The following MTAP variants were observed in gnomAD, a reference collection of about 807,000 sequenced individuals.
The protein encoded by MTAP is S-methyl-5'-thioadenosine phosphorylase.
A neutral mutation model predicts 33.6 loss-of-function variants in MTAP; 33 were observed. That is an observed-to-expected ratio of 0.98 (90% confidence interval 0.74 to 1.31). The LOEUF is 1.31. Among genes scored for constraint, MTAP ranks in the 40% most tolerant of loss-of-function variants. The probability of loss-of-function intolerance (pLI) is 0.00; values close to 1 mark genes in which losing one functional copy is unlikely to be tolerated. For missense variants in MTAP, 367 were observed against 360.0 expected (o/e 1.02, Z -0.16); for synonymous variants, 148 against 125.7 (o/e 1.18, Z -1.19).
chr9:21,898,543 T>C (rs1413314503), intron 1 of MTAP, among the ~76,000 whole-genome samples: 1 of 151,760 alleles, frequency 6.6e-6, no homozygotes, highest in Admixed American at 6.6e-5. Flanking sequence ...CAAGAAAAAA[T>C]CAAACAATGC....
At chr9:21,898,227 T>C (rs556710458) in intron 1 of MTAP, among the ~76,000 whole-genome samples, 23 of 152,234 alleles carry the variant, frequency 1.5e-4, no homozygotes, top group African/African-American at 5.1e-4. Context: ...ATGCAAAAAT[T>C]AATTCAAGGT....
At chr9:21,846,668 A>G (rs891945719) in intron 5 of MTAP, among the ~76,000 whole-genome samples, 14 of 152,238 alleles carry the variant, frequency 9.2e-5, no homozygotes, top group Non-Finnish European at 1.6e-4. Context: ...GGAAAGCCAT[A>G]TAGAGATTCC....
chr9:21,922,050 A>C lies in MTAP; in HGVS notation c.148-8958A>C, dbSNP rs1206816080. ...CAGTGCCAGAGAAAGGCAGTCTCCC[A>C]ATATATGGAAAACACTTGAAGCCGG... On this transcript the variant is annotated intron_variant, in intron 1 of 1. Transcript: ENST00000577563. The surrounding 1 kb of genome is among the most constrained non-coding windows in gnomAD (Gnocchi z 4.8). Among the ~76,000 whole-genome samples, 1 of 152,094 alleles carries C rather than the reference A, an allele frequency of 6.6e-6. No homozygotes were observed. The highest frequency in any genetic ancestry group is 1.5e-5 in the Non-Finnish European group (1 of 68,022).
At chr9:21,937,048 A>G (rs1819050718) in exon 8 of MTAP, 3 of 152,224 alleles carry the variant, frequency 2.0e-5, no homozygotes, top group Non-Finnish European at 4.4e-5. Context: ...TGAATGTATT[A>G]TAAGGTTTTA....
intron 4 of MTAP, among the ~76,000 whole-genome samples, chr9:21,824,791 T>A (rs1162909433): frequency 6.6e-6 from 1 of 152,180 alleles, no homozygotes; most frequent in Non-Finnish European, 1.5e-5. Context: ...TACTCAAGCC[T>A]CAGCAGTGGT....
At chr9:21,832,257 T>TC (rs1031676531) in intron 4 of MTAP, among the ~76,000 whole-genome samples, 3 of 152,194 alleles carry the variant, frequency 2.0e-5, no homozygotes, top group African/African-American at 7.2e-5. Context: ...GCCTTGGGCT[T>TC]CCCCTAGAAC....
intron 5 of MTAP, among the ~76,000 whole-genome samples, chr9:21,839,022 G>T (rs1362983368): frequency 6.6e-6 from 1 of 152,130 alleles, no homozygotes; most frequent in African/African-American, 2.4e-5. Flanking sequence ...AACAGCAAGG[G>T]CACCTAAACT....
chr9:21,804,161 T>C (rs981921943), intron 1 of MTAP, among the ~76,000 whole-genome samples: 2 of 152,236 alleles, frequency 1.3e-5, no homozygotes, highest in Admixed American at 1.3e-4. Flanking sequence ...ATATTGTCTA[T>C]GTTGCACATG....
intron 6 of MTAP, 65 bp downstream of exon 6, chr9:21,854,935 C>G (rs1222663600): frequency 1.9e-5 from 29 of 1,557,626 alleles, no homozygotes; most frequent in Middle Eastern, 1.7e-4. Context: ...GGTGTCTTAA[C>G]TGTTTGTTTC....
chr9:21,888,934 C>G (rs1818155889), intron 1 of MTAP, among the ~76,000 whole-genome samples: 3 of 152,016 alleles, frequency 2.0e-5, no homozygotes, highest in African/African-American at 7.2e-5. Context: ...CAGATTAACG[C>G]AAATTTCTCA....
At chr9:21,807,080 C>T (rs1421112204) in intron 1 of MTAP, among the ~76,000 whole-genome samples, 1 of 152,192 alleles carries the variant, frequency 6.6e-6, no homozygotes, top group Non-Finnish European at 1.5e-5. Flanking sequence ...GGGCGAATCT[C>T]TTGAGCCCAG....
chr9:21,909,085 T>C (rs1818521967), intron 1 of MTAP, among the ~76,000 whole-genome samples: 1 of 152,146 alleles, frequency 6.6e-6, no homozygotes, highest in Admixed American at 6.5e-5. Flanking sequence ...TTATTCCTTC[T>C]TGCTGTTTTG....
downstream of MTAP, among the ~76,000 whole-genome samples, chr9:21,938,604 T>G (rs1819084280): frequency 6.6e-6 from 1 of 152,188 alleles, no homozygotes; most frequent in Non-Finnish European, 1.5e-5. Context: ...TGTCCTGATA[T>G]GTTATCAGTC....
intron 4 of MTAP, among the ~76,000 whole-genome samples, chr9:21,818,525 G>A (rs537306212): frequency 2.6e-5 from 4 of 151,712 alleles, no homozygotes; most frequent in South Asian, 2.1e-4. Flanking sequence ...ATGGAGTTTC[G>A]TCATATTGGT....
intron 5 of MTAP, among the ~76,000 whole-genome samples, chr9:21,850,967 G>T (rs1231066300): frequency 6.6e-6 from 1 of 152,196 alleles, no homozygotes; most frequent in Admixed American, 6.5e-5. Flanking sequence ...GGGAGTTACA[G>T]TGCTGGCTGG....
chr9:21,895,454 G>C (rs577713766), intron 1 of MTAP, among the ~76,000 whole-genome samples: 2 of 152,184 alleles, frequency 1.3e-5, no homozygotes, highest in African/African-American at 2.4e-5. Context: ...CTGAGGTACC[G>C]GGTTCATCTC....
chr9:21,831,589 A>C (rs1824968137), intron 4 of MTAP, among the ~76,000 whole-genome samples: 1 of 152,084 alleles, frequency 6.6e-6, no homozygotes. Flanking sequence ...GGCCTCCCCA[A>C]AGTGCTGGGA....
intron 1 of MTAP, among the ~76,000 whole-genome samples, chr9:21,899,658 G>C (rs1818357114): frequency 6.6e-6 from 1 of 152,100 alleles, no homozygotes. Flanking sequence ...AAAACCATCA[G>C]ATCTTGTGAG....
At chr9:21,802,853 C>G in intron 1 of MTAP, 72 bp downstream of exon 1, 2 of 1,589,380 alleles carry the variant, frequency 1.3e-6, no homozygotes, top group Non-Finnish European at 1.7e-6. Context: ...CGGGGGACCG[C>G]GCCTCCGGGG....
Sources: gnomAD v4.1 joint callset for allele counts (sites outside exome capture counted in the v4.1 genomes callset) on GRCh38, gnomAD v4.1.1 for gene constraint, Gnocchi (gnomAD v3.1) non-coding constraint, MANE v1.5 for transcripts, NCBI Gene and HGNC (gene_info 2026-07-23, HGNC 2026-07-21) for gene names.